ADCY6: variants seen among roughly 807,000 people sequenced by gnomAD.
The protein encoded by ADCY6 is adenylate cyclase type 6.
Under a neutral mutation model 111.6 loss-of-function variants are expected in ADCY6, and 59 were observed. The ratio of observed to expected loss-of-function variants is 0.53; its 90% CI spans 0.43 to 0.66. The LOEUF (loss-of-function observed/expected upper bound fraction) is 0.66, where lower values mean the gene tolerates loss of function less well. Ranked by LOEUF, ADCY6 falls within the 30% of genes least tolerant of loss-of-function variation. The probability of loss-of-function intolerance (pLI) is 0.00; values close to 1 mark genes in which losing one functional copy is unlikely to be tolerated. For synonymous variants in ADCY6, 576 were observed against 642.9 expected (o/e 0.90, Z 1.57); for missense variants, 1,242 against 1,595.6 (o/e 0.78, Z 3.78).
rs760708097 is a variant in ADCY6, at chr12:48,782,690, C to A, written c.745G>T (p.Ala249Ser). 9 of 1,591,964 alleles carry A rather than the reference C, an allele frequency of 5.7e-6. No homozygotes were observed. The East Asian group carries it at 2.1e-4, about 36-fold the overall frequency. ...LWCPVFFVYI[A>S]YTLLPIRMRA... ...ATGCGGATGGGGAGGAGCGTGTAGGCGATGTAGACAAAGAACACAGGGCAC... is the reference window on the plus strand; with the variant it reads ...ATGCGGATGGGGAGGAGCGTGTAGGAGATGTAGACAAAGAACACAGGGCAC... The change falls in exon 2 of 22, where the codon GCC (alanine) becomes TCC (serine). Residue 249 changes from alanine (A) to serine (S), a missense_variant. This residue lies in a region of ADCY6 where 362 missense variants were observed against 377.2 expected (regional missense o/e 0.96). Transcript: ENST00000357869. This position sits in a 1 kb window ranked among gnomAD's most constrained non-coding sequence, Gnocchi z 4.3.
At chr12:48,784,846 T>C (rs1442711612) in intron 1 of ADCY6, among the ~76,000 whole-genome samples, 1 of 152,016 alleles carries the variant, frequency 6.6e-6, no homozygotes, top group Non-Finnish European at 1.5e-5. Flanking sequence ...TTCTATTTTT[T>C]AGTAGAGACG....
chr12:48,772,063 C>CA, intron 18 of ADCY6, 90 bp from the exon 19 acceptor site: 2 of 1,502,682 alleles, frequency 1.3e-6, no homozygotes, highest in Non-Finnish European at 1.8e-6. Context: ...AAGAGGGAAT[C>CA]ACATAGAGAA....
chr12:48,770,878 G>A lies in ADCY6; in HGVS notation c.3144C>T (p.Tyr1048=), dbSNP rs762328182. 1.4e-5 allele frequency: 22 copies of A among 1,614,118 alleles called. No homozygotes were observed. In the Admixed American group the frequency reaches 1.7e-4, roughly 12 times the overall value. ...TGATGTGGGAGCGGCCCACCTGATC[G>A]TAGGTGCTGGCGTTCAGCCCTGAGG... ...MAASGLNAST[Y]DQVGRSHITA... The change falls in exon 20 of 22, where the codon TAC becomes TAT. Residue 1048 remains tyrosine, a synonymous_variant. Coordinates refer to ENST00000357869, the MANE Select transcript of ADCY6 (RefSeq NM_015270.5).
intron 10 of ADCY6, 50 bp downstream of exon 10, chr12:48,775,623 C>T (rs756836939): frequency 1.9e-6 from 3 of 1,599,098 alleles, no homozygotes; most frequent in Non-Finnish European, 2.6e-6. Flanking sequence ...CTCCCCCCAG[C>T]CCCATCCCAG....
intron 20 of ADCY6, among the ~76,000 whole-genome samples, chr12:48,770,063 A>AT (rs35784184): frequency 0.15 from 17,007 of 112,858 alleles, 1,457 homozygotes; most frequent in African/African-American, 0.2. Flanking sequence ...GCCCGGCCTA[A>AT]TTTTTTTTTT....
rs865837528 is a variant in ADCY6 at position 48,775,971 on chromosome 12, G to A, written c.1798C>T (p.Arg600Cys). 5.6e-6 allele frequency: 9 copies of A among 1,603,408 alleles called. No homozygotes were observed. The highest frequency in any genetic ancestry group is 2.3e-5 in the East Asian group (1 of 44,314). The change falls in exon 9 of 22, where the codon CGC becomes TGC. Residue 600 changes from arginine to cysteine, a missense_variant. Transcript: ENST00000357869. Reference sequence around the variant, plus strand: ...TGCTGAGGGCCCCTCACCATCTGGCGGAAGGCCTTGGAGTCCTTGGTCCGG... The same window carrying A: ...TGCTGAGGGCCCCTCACCATCTGGCAGAAGGCCTTGGAGTCCTTGGTCCGG... ...FSRTKDSKAF[R>C]QMGIDDSSKD...
chr12:48,786,436 A>T, intron 1 of ADCY6, among the ~76,000 whole-genome samples: 1 of 152,086 alleles, frequency 6.6e-6, no homozygotes, highest in Non-Finnish European at 1.5e-5. Context: ...GCACAATCTC[A>T]GCTCACTGCA....
chr12:48,784,959 C>G (rs1271069810), intron 1 of ADCY6, among the ~76,000 whole-genome samples: 1 of 152,090 alleles, frequency 6.6e-6, no homozygotes, highest in Non-Finnish European at 1.5e-5. Flanking sequence ...CTCACTGCAC[C>G]CCAGTCACAA....
At position 48,773,994 on chromosome 12, in the gene ADCY6, C is replaced by T. The variant is rs1489683481; in HGVS notation, c.2388G>A (p.Leu796=). 6.2e-7 allele frequency: 1 copy of T among 1,613,628 alleles called. No individual in the cohort carries two copies. Among genetic ancestry groups the T allele is most frequent in the African/African-American group, 1.3e-5 (1 of 74,908 alleles). The part of the protein sequence containing the change: ...ACHLQQLNYS[L]GLDAPLCEGT... The stretch of plus-strand genomic sequence containing the variant: ...CCTCACACAGGGGAGCATCCAGGCC[C>T]AGAGAGTAATTGAGCTGCTGCAGGT... Residue 796 remains leucine (L), a synonymous_variant, in exon 15 of 22, where the codon CTG becomes CTA. Transcript: ENST00000357869.
chr12:48,782,102 C>T lies in ADCY6; in HGVS notation c.864+469G>A, dbSNP rs1941858651. Among the ~76,000 whole-genome samples the T allele has an allele frequency of 6.6e-6, 1 of 152,140 alleles. No individual in the cohort carries two copies. The highest frequency in any genetic ancestry group is 2.1e-4 in the South Asian group (1 of 4,818). Reference sequence around the variant, plus strand: ...AACCTGCTCTATACCTCCAGATCACCACCTAGAGCTGCTCTTCAGGGATAG... The same window carrying T: ...AACCTGCTCTATACCTCCAGATCACTACCTAGAGCTGCTCTTCAGGGATAG... On this transcript the variant is annotated intron_variant, in intron 2 of 21. Coordinates refer to ENST00000357869, the MANE Select transcript of ADCY6 (RefSeq NM_015270.5). This position sits in a 1 kb window ranked among gnomAD's most constrained non-coding sequence, Gnocchi z 4.3.
chr12:48,783,229 G>T lies in ADCY6; in HGVS notation c.206C>A (p.Ala69Asp). ...GCCTGGGCCGCCCCTCCGGATGAAG[G>T]CGTCATCCTGCCAGGGGCACCGAGG... is the stretch of plus-strand genomic sequence containing the variant. ...GPPRCPWQDD[A>D]FIRRGGPGKG... The change falls in exon 2 of 22, where the codon GCC (alanine) becomes GAC (aspartate). Residue 69 changes from alanine (A) to aspartate (D), a missense_variant. By Grantham distance (126) the Ala-to-Asp change is moderately radical. Coordinates refer to ENST00000357869, the MANE Select transcript of ADCY6 (RefSeq NM_015270.5). The T allele has an allele frequency of 6.2e-7, 1 of 1,608,628 alleles. No homozygotes were observed. Among genetic ancestry groups the T allele is most frequent in the Non-Finnish European group, 8.5e-7 (1 of 1,179,530 alleles).
chr12:48,767,889 C>T lies in ADCY6; in HGVS notation c.*702G>A, dbSNP rs1311606174. ...ACAGTACCAGTGAGGCCAGACACCC[C>T]GTTCCCTGGAGCGTGCAGGAACTGG... On this transcript the variant is annotated 3_prime_UTR_variant, in exon 22 of 22. Transcript: ENST00000357869. 1.3e-5 allele frequency: 2 copies of T among 153,420 alleles called. No individual in the cohort carries two copies. The highest frequency in any genetic ancestry group is 1.5e-5 in the Non-Finnish European group (1 of 68,616). The allele number at this position is 153,420 out of a possible 1,614,324, so 9.5% of individuals were successfully genotyped here. A position where few individuals can be genotyped will look rare whatever the true frequency, so the allele number is the denominator to read the frequency against.
chr12:48,775,884 A>G, intron 9 of ADCY6, 79 bp downstream of exon 9: 1 of 1,543,238 alleles, frequency 6.5e-7, no homozygotes, highest in African/African-American at 1.4e-5. Context: ...GGCAGTCACA[A>G]GAAAGGACAG....
At position 48,776,676 on chromosome 12, in the gene ADCY6, G is replaced by A. The variant is rs558104848; in HGVS notation, c.1377-90C>T. 149 of 1,483,192 alleles carry A rather than the reference G, an allele frequency of 1.0e-4. No individual in the cohort carries two copies. In the Admixed American group the frequency reaches 1.9e-3, roughly 19 times the overall value. The allele number at this position is 1,483,192 out of a possible 1,614,324, so 91.9% of individuals were successfully genotyped here. A position where few individuals can be genotyped will look rare whatever the true frequency, so the allele number is the denominator to read the frequency against. ...CCCTTCACTCCTCTCAGGGCCCAGCGGGCAAGGACAGACCCAGATGCAGGG... is the reference window on the plus strand; with the variant it reads ...CCCTTCACTCCTCTCAGGGCCCAGCAGGCAAGGACAGACCCAGATGCAGGG... On this transcript the variant is annotated intron_variant, in intron 6 of 21. Coordinates refer to ENST00000357869, the MANE Select transcript of ADCY6 (RefSeq NM_015270.5). This position sits in a 1 kb window ranked among gnomAD's most constrained non-coding sequence, Gnocchi z 6.1.
At position 48,774,991 on chromosome 12, in the gene ADCY6, A is replaced by C. The variant is rs943467214; in HGVS notation, c.2044T>G (p.Phe682Val). ...YVACALLVFC[F>V]ICFIQLLIFP... Reference sequence around the variant, plus strand: ...ATGAGAAGCTGGATGAAGCAGATGAAGCAGAAGACCAACAGGGCACAGGCA... The same window carrying C: ...ATGAGAAGCTGGATGAAGCAGATGACGCAGAAGACCAACAGGGCACAGGCA... The change falls in exon 12 of 22, where the codon TTC becomes GTC. Residue 682 changes from phenylalanine (F) to valine (V), a missense_variant. By Grantham distance (50) the Phe-to-Val change is conservative. Around this residue, in one of 4 missense-constraint regions of ADCY6, gnomAD observed 375 missense variants for 432.5 expected, o/e 0.87. Coordinates refer to ENST00000357869, the MANE Select transcript of ADCY6 (RefSeq NM_015270.5). The C allele has an allele frequency of 1.9e-6, 3 of 1,557,996 alleles. No individual in the cohort carries two copies. The highest frequency in any genetic ancestry group is 2.7e-5 in the African/African-American group (2 of 73,338).
chr12:48,769,069 GGA>G lies in ADCY6; in HGVS notation c.3257-10_3257-9del. On this transcript the variant is annotated splice_polypyrimidine_tract_variant and intron_variant, in intron 20 of 21. Coordinates refer to ENST00000357869, the MANE Select transcript of ADCY6 (RefSeq NM_015270.5). ...CTGGGCCCATGTTCAGCCCTGAGGT[GGA>G]GAGAACAGCAAGAGACTAGTGGATG... 6.2e-7 allele frequency: 1 copy of G among 1,605,880 alleles called. No homozygotes were observed. The highest frequency in any genetic ancestry group is 1.3e-5 in the African/African-American group (1 of 74,782).
chr12:48,770,063 ATT>A (rs35784184), intron 20 of ADCY6, among the ~76,000 whole-genome samples: 11 of 112,878 alleles, frequency 9.7e-5, no homozygotes, highest in African/African-American at 2.1e-4. Flanking sequence ...GCCCGGCCTA[ATT>A]TTTTTTTTTT....
intron 20 of ADCY6, among the ~76,000 whole-genome samples, chr12:48,769,996 C>T (rs1381953025): frequency 2.0e-5 from 3 of 151,574 alleles, no homozygotes; most frequent in Non-Finnish European, 2.9e-5. Context: ...CTCTTGACCT[C>T]GTGATCCGCC....
chr12:48,771,294 C>T lies in ADCY6; in HGVS notation c.3052-324G>A. Reference sequence around the variant, plus strand: ...CCCAGAGTGAGCAAGTGACTTCCCTCCAGAACAGTGAACAGCCCATTCCTG... The same window carrying T: ...CCCAGAGTGAGCAAGTGACTTCCCTTCAGAACAGTGAACAGCCCATTCCTG... On this transcript the variant is annotated intron_variant, in intron 19 of 21. Transcript: ENST00000357869. The surrounding 1 kb of genome is among the most constrained non-coding windows in gnomAD (Gnocchi z 4.3). 2.1e-6 allele frequency: 1 copy of T among 485,182 alleles called. No individual in the cohort carries two copies. The highest frequency in any genetic ancestry group is 2.2e-5 in the South Asian group (1 of 45,026). 30.1% of individuals were successfully genotyped at this position (485,182 alleles called of 1,614,324 possible). A position where few individuals can be genotyped will look rare whatever the true frequency, so the allele number is the denominator to read the frequency against.
Sources: gnomAD v4.1 joint callset for allele counts (sites outside exome capture counted in the v4.1 genomes callset) on GRCh38, gnomAD v4.1.1 for gene constraint, gnomAD v4.1.1 regional missense constraint, Gnocchi (gnomAD v3.1) non-coding constraint, MANE v1.5 for transcripts, NCBI Gene and HGNC (gene_info 2026-07-23, HGNC 2026-07-21) for gene names.